The following FBXO4 variants were observed in gnomAD, a reference collection of about 807,000 sequenced individuals.
The protein encoded by FBXO4 is F-box only protein 4.
In FBXO4, 36 loss-of-function variants were observed where a neutral mutation model predicts 43.7. The observed-to-expected ratio is 0.82, with a 90% CI of 0.63 to 1.09. The LOEUF (loss-of-function observed/expected upper bound fraction) is 1.09, where lower values mean the gene tolerates loss of function less well. Among genes scored for constraint, FBXO4 ranks in the 50% least tolerant of loss-of-function variants. The pLI is 0.00. For missense variants in FBXO4, 435 were observed against 474.1 expected, an observed-to-expected ratio of 0.92 and a Z score of 0.77; for synonymous variants, 180 against 165.6, an observed-to-expected ratio of 1.09 and a Z score of -0.67.
At chr5:41,973,655 T>G in the FBXO4 span, among the ~76,000 whole-genome samples, 1 of 152,228 alleles carries the variant, frequency 6.6e-6, no homozygotes, top group African/African-American at 2.4e-5. Context: ...CACTCCAGCC[T>G]GGGTGAGACA....
chr5:42,034,521 A>G, the FBXO4 span, among the ~76,000 whole-genome samples: 1 of 152,092 alleles, frequency 6.6e-6, no homozygotes, highest in African/African-American at 2.4e-5. Flanking sequence ...TCTTTTATCC[A>G]TCTTGAGTTC....
chr5:41,995,689 G>A, the FBXO4 span, among the ~76,000 whole-genome samples: 1 of 152,136 alleles, frequency 6.6e-6, no homozygotes, highest in African/African-American at 2.4e-5. Context: ...GTACTCACAT[G>A]AGATACAAAT....
At chr5:41,946,167 C>G (rs1752075108), downstream of FBXO4, among the ~76,000 whole-genome samples, 1 of 152,314 alleles carries the variant, frequency 6.6e-6, no homozygotes. Flanking sequence ...CCCCTGGACC[C>G]AGCTTTCACT....
chr5:42,015,349 C>T, the FBXO4 span, among the ~76,000 whole-genome samples: 49 of 152,258 alleles, frequency 3.2e-4, no homozygotes, highest in Middle Eastern at 0.01. Context: ...CTTTAGGAGA[C>T]GTTGTATTCT....
chr5:41,998,382 C>T, the FBXO4 span, among the ~76,000 whole-genome samples: 10 of 152,264 alleles, frequency 6.6e-5, no homozygotes, highest in East Asian at 3.9e-4. Flanking sequence ...ACCCTCCCAG[C>T]GGGGATGAGT....
intron 1 of FBXO4, 115 bp downstream of exon 1, chr5:41,925,613 C>T (rs1478171391): frequency 4.1e-6 from 3 of 732,236 alleles, no homozygotes; most frequent in South Asian, 5.3e-5. Context: ...GGTCTGGCTC[C>T]GTCCATGCAG....
downstream of FBXO4, among the ~76,000 whole-genome samples, chr5:41,942,203 G>A (rs1277043394): frequency 6.6e-6 from 1 of 151,774 alleles, no homozygotes; most frequent in Admixed American, 6.6e-5. Flanking sequence ...TTGTTGAGGG[G>A]GCAGAATTTT....
chr5:41,991,596 T>C, the FBXO4 span, among the ~76,000 whole-genome samples: 1 of 152,232 alleles, frequency 6.6e-6, no homozygotes, highest in Non-Finnish European at 1.5e-5. Flanking sequence ...TCAATAATTC[T>C]GGTGTAAATT....
chr5:41,953,654 A>G, the FBXO4 span, among the ~76,000 whole-genome samples: 1 of 151,082 alleles, frequency 6.6e-6, no homozygotes, highest in Non-Finnish European at 1.5e-5. Context: ...CCTCTCCAGC[A>G]CCTGTTGTTT....
intron 1 of FBXO4, among the ~76,000 whole-genome samples, chr5:41,925,801 A>G (rs1751473460): frequency 6.6e-6 from 1 of 152,166 alleles, no homozygotes; most frequent in African/African-American, 2.4e-5. Flanking sequence ...TGTGACTAGG[A>G]CACCCTGAAT....
the FBXO4 span, among the ~76,000 whole-genome samples, chr5:41,997,019 A>T: frequency 6.6e-6 from 1 of 152,236 alleles, no homozygotes; most frequent in African/African-American, 2.4e-5. Flanking sequence ...TAAGATTATG[A>T]CACAAAGCTG....
In FBXO4 at chr5:41,941,415, T is replaced by C; in HGVS notation, c.*134T>C. 2 of 566,376 alleles carry C rather than the reference T, an allele frequency of 3.5e-6. No homozygotes were observed. The highest frequency in any genetic ancestry group is 5.8e-5 in the East Asian group (2 of 34,430). The allele number at this position is 566,376 out of a possible 1,614,324, so 35.1% of individuals were successfully genotyped here. A position where few individuals can be genotyped will look rare whatever the true frequency, so the allele number is the denominator to read the frequency against. On this transcript the variant is annotated 3_prime_UTR_variant, in exon 7 of 7. Transcript: ENST00000281623. ...CTTTCATTTGGACAGCTATAACTGCTGTGTTTTTTATATTATTTTTACTCT... is the reference window on the plus strand; with the variant it reads ...CTTTCATTTGGACAGCTATAACTGCCGTGTTTTTTATATTATTTTTACTCT...
the FBXO4 span, among the ~76,000 whole-genome samples, chr5:41,966,371 C>T: frequency 6.6e-6 from 1 of 152,016 alleles, no homozygotes; most frequent in Non-Finnish European, 1.5e-5. Context: ...TCCCTAACAA[C>T]ACAAAACTTT....
rs59530568 is a variant in FBXO4, at chr5:41,930,650, T to TTTTCTTTC, written c.646+749_646+756dup. Among the ~76,000 whole-genome samples the TTTTCTTTC allele has an allele frequency of 2.5e-3, 381 of 150,412 alleles. 2 individuals are homozygous for TTTTCTTTC. Among genetic ancestry groups the TTTTCTTTC allele is most frequent in the African/African-American group, 8.1e-3 (324 of 39,966 alleles). On this transcript the variant is annotated intron_variant, in intron 3 of 6. Coordinates refer to ENST00000281623, the MANE Select transcript of FBXO4 (RefSeq NM_012176.3). ...GTTCCAGGCAGCGAGAACTACATTT[T>TTTTCTTTC]TTTCTTTCTTTCTTTCTTTCTTTTT...
the FBXO4 span, among the ~76,000 whole-genome samples, chr5:42,024,367 T>A: frequency 6.6e-6 from 1 of 152,054 alleles, no homozygotes; most frequent in Non-Finnish European, 1.5e-5. Context: ...TGTAACAGAA[T>A]GAACTGAAAA....
intron 5 of FBXO4, among the ~76,000 whole-genome samples, chr5:41,936,911 T>TC (rs1163945205): frequency 6.6e-6 from 1 of 152,084 alleles, no homozygotes; most frequent in East Asian, 1.9e-4. Context: ...TTTGTTTTTT[T>TC]TTTACAATCA....
chr5:42,000,359 C>T, the FBXO4 span, among the ~76,000 whole-genome samples: 1 of 152,096 alleles, frequency 6.6e-6, no homozygotes, highest in Non-Finnish European at 1.5e-5. Flanking sequence ...TGCACATGTA[C>T]CCCTTGTATC....
chr5:41,925,596 C>T, intron 1 of FBXO4, 98 bp downstream of exon 1: 1 of 944,966 alleles, frequency 1.1e-6, no homozygotes, highest in Non-Finnish European at 1.4e-6. Context: ...TCTCGCGCCC[C>T]GGCCTGGGTC....
the FBXO4 span, among the ~76,000 whole-genome samples, chr5:42,022,547 C>A: frequency 6.6e-6 from 1 of 151,988 alleles, no homozygotes; most frequent in African/African-American, 2.4e-5. Flanking sequence ...TGCTATTTTA[C>A]CACAATTCTT....
Sources: allele counts gnomAD v4.1 joint callset (sites outside exome capture counted in the v4.1 genomes callset), GRCh38; gene constraint gnomAD v4.1.1; transcripts MANE v1.5; gene names NCBI Gene and HGNC (gene_info 2026-07-23, HGNC 2026-07-21).